Variants in OCA2 observed in about 807,000 individuals in gnomAD.
OCA2 encodes the protein P protein.
OCA2 carries 77 observed loss-of-function variants against 100.2 expected under a neutral mutation model. That is an observed-to-expected ratio of 0.77 (90% CI 0.64 to 0.93). OCA2 has a LOEUF of 0.93. Ranked by LOEUF, OCA2 falls within the 40% of genes least tolerant of loss-of-function variation. The probability of loss-of-function intolerance (pLI) is 0.00; values close to 1 mark genes in which losing one functional copy is unlikely to be tolerated. For synonymous variants in OCA2, 432 were observed against 439.2 expected, an observed-to-expected ratio of 0.98 and a Z score of 0.21; for missense variants, 1,062 against 1,089.1, an observed-to-expected ratio of 0.98 and a Z score of 0.35.
intron 19 of OCA2, among the ~76,000 whole-genome samples, chr15:27,895,399 G>T (rs750471856): frequency 6.6e-5 from 10 of 152,214 alleles, no homozygotes; most frequent in Non-Finnish European, 1.3e-4. Context: ...GAATACAGAA[G>T]AATGTGGGGA....
chr15:27,982,923 T>C (rs2140961063), intron 14 of OCA2, among the ~76,000 whole-genome samples: 1 of 152,340 alleles, frequency 6.6e-6, no homozygotes, highest in South Asian at 2.1e-4. Context: ...TCTAAAGACA[T>C]TCATTTCTGA....
At chr15:27,845,623 G>A (rs1234125407) in intron 22 of OCA2, among the ~76,000 whole-genome samples, 1 of 152,116 alleles carries the variant, frequency 6.6e-6, no homozygotes, top group Non-Finnish European at 1.5e-5. Flanking sequence ...TGAGCAATAG[G>A]GCCAAGGTGG....
At chr15:27,896,257 A>C (rs2037683615) in intron 19 of OCA2, 1 of 1,115,258 alleles carries the variant, frequency 9.0e-7, no homozygotes, top group African/African-American at 1.5e-5. Context: ...GAAAGCAAGG[A>C]ATTTAATGCA....
intron 2 of OCA2, among the ~76,000 whole-genome samples, chr15:28,049,756 G>A (rs1375398181): frequency 6.6e-6 from 1 of 152,154 alleles, no homozygotes; most frequent in Non-Finnish European, 1.5e-5. Flanking sequence ...TCTACAAAAG[G>A]TAAATACAGA....
intron 21 of OCA2, among the ~76,000 whole-genome samples, chr15:27,858,984 G>A (rs529664440): frequency 6.6e-6 from 1 of 152,148 alleles, no homozygotes; most frequent in East Asian, 1.9e-4. Context: ...AAAGAGAAAT[G>A]AAGACACAAC....
chr15:27,946,738 T>C (rs1324404547), intron 18 of OCA2, among the ~76,000 whole-genome samples: 2 of 152,228 alleles, frequency 1.3e-5, no homozygotes, highest in Non-Finnish European at 2.9e-5. Context: ...CATTCTCCCC[T>C]GAGACTGCCA....
intron 23 of OCA2, among the ~76,000 whole-genome samples, chr15:27,836,337 T>C (rs1266870650): frequency 1.3e-5 from 2 of 152,242 alleles, no homozygotes; most frequent in African/African-American, 4.8e-5. Flanking sequence ...GGCCCATTTC[T>C]GCTCTAACCA....
chr15:28,095,255 G>C (rs1007394861), intron 1 of OCA2, among the ~76,000 whole-genome samples: 6 of 152,156 alleles, frequency 3.9e-5, no homozygotes, highest in African/African-American at 1.2e-4. Context: ...CGGGAGGGCA[G>C]GAGTGGCCCA....
chr15:27,953,368 C>A (rs1302598033), intron 17 of OCA2, among the ~76,000 whole-genome samples: 3 of 152,266 alleles, frequency 2.0e-5, no homozygotes, highest in African/African-American at 7.2e-5. Context: ...CCCCTCCCTG[C>A]CCACCGTGAA....
At chr15:27,889,163 G>A (rs751829044) in intron 19 of OCA2, among the ~76,000 whole-genome samples, 30 of 152,128 alleles carry the variant, frequency 2.0e-4, no homozygotes, top group Non-Finnish European at 3.8e-4. Context: ...CCAAAAGGTT[G>A]GGATACATTC....
chr15:28,093,830 G>A (rs1391720622), intron 1 of OCA2, among the ~76,000 whole-genome samples: 7 of 152,160 alleles, frequency 4.6e-5, no homozygotes, highest in Non-Finnish European at 1.0e-4. Flanking sequence ...GTGAAAAAAA[G>A]CAAGTTCCAA....
intron 18 of OCA2, among the ~76,000 whole-genome samples, chr15:27,939,350 C>T (rs189329834): frequency 1.6e-3 from 244 of 152,328 alleles, no homozygotes; most frequent in Middle Eastern, 0.01. Context: ...ACTCTGCTAA[C>T]ATTTGTACTC....
At chr15:28,097,417 T>C (rs2045006508) in intron 1 of OCA2, among the ~76,000 whole-genome samples, 1 of 152,240 alleles carries the variant, frequency 6.6e-6, no homozygotes, top group Admixed American at 6.5e-5. Context: ...GTGGAGTCTC[T>C]TCTCACATTT....
chr15:28,056,832 T>C (rs1595888973), intron 2 of OCA2, among the ~76,000 whole-genome samples: 4 of 152,192 alleles, frequency 2.6e-5, no homozygotes, highest in African/African-American at 9.6e-5. Flanking sequence ...AGACCCTTAG[T>C]GAGTACCACG....
At chr15:27,749,684 T>G in the OCA2 span, among the ~76,000 whole-genome samples, 1 of 152,320 alleles carries the variant, frequency 6.6e-6, no homozygotes, top group Non-Finnish European at 1.5e-5. Flanking sequence ...ATCACATTTC[T>G]ACACGTTAAT....
At chr15:28,024,981 G>T in intron 4 of OCA2, 79 bp from the exon 5 acceptor site, 1 of 1,300,060 alleles carries the variant, frequency 7.7e-7, no homozygotes, top group South Asian at 1.2e-5. Flanking sequence ...CTGCAGCCTT[G>T]AGTAACTTCC....
chr15:28,043,365 C>G lies in OCA2; in HGVS notation c.228-11202G>C, dbSNP rs916630679. Among the ~76,000 whole-genome samples the G allele has an allele frequency of 6.6e-6, 1 of 152,160 alleles. No individual in the cohort carries two copies. The highest frequency in any genetic ancestry group is 1.5e-5 in the Non-Finnish European group (1 of 68,030). Reference sequence around the variant, plus strand: ...GAAGTAGACATACCAGAAATAAAGCCAAACATGCATGGCTGTTTCTATCCA... The same window carrying G: ...GAAGTAGACATACCAGAAATAAAGCGAAACATGCATGGCTGTTTCTATCCA... On this transcript the variant is annotated intron_variant, in intron 2 of 23. Transcript: ENST00000354638. The surrounding 1 kb of genome is among the most constrained non-coding windows in gnomAD (Gnocchi z 4.4).
At chr15:27,850,091 G>A (rs995582920) in intron 22 of OCA2, among the ~76,000 whole-genome samples, 7 of 152,158 alleles carry the variant, frequency 4.6e-5, no homozygotes, top group Non-Finnish European at 5.9e-5. Flanking sequence ...ACACATTGAT[G>A]TCTCTCCTAG....
chr15:27,976,703 G>A (rs2040978293), intron 14 of OCA2, among the ~76,000 whole-genome samples: 1 of 151,970 alleles, frequency 6.6e-6, no homozygotes, highest in Admixed American at 6.6e-5. Flanking sequence ...ATCTATAGTT[G>A]CCTTTTCTCA....
Sources: allele counts gnomAD v4.1 joint callset (sites outside exome capture counted in the v4.1 genomes callset), GRCh38; gene constraint gnomAD v4.1.1; non-coding constraint Gnocchi (gnomAD v3.1); transcripts MANE v1.5; gene names NCBI Gene and HGNC (gene_info 2026-07-23, HGNC 2026-07-21).